NTRK3: variants seen among roughly 807,000 people sequenced by gnomAD.
NTRK3 encodes NT-3 growth factor receptor.
NTRK3 carries 24 observed loss-of-function variants against 91.7 expected under a neutral mutation model. That is an observed-to-expected ratio of 0.26 (90% CI 0.19 to 0.37). NTRK3 has a LOEUF of 0.37. NTRK3 is among the 10% of genes least tolerant of loss of function. The pLI is 1.00. For synonymous variants in NTRK3, 483 were observed against 404.0 expected (o/e 1.20, Z -2.34); for missense variants, 880 against 1,068.9 (o/e 0.82, Z 2.46).
At chr15:87,927,992 T>G (rs180780438) in intron 17 of NTRK3, 2,539 of 152,114 alleles carry the variant, frequency 0.017, 45 homozygotes, top group Non-Finnish European at 0.022. Context: ...GTTTTTTTGG[T>G]TTTTTTTGAC....
intron 3 of NTRK3, among the ~76,000 whole-genome samples, chr15:88,217,367 TG>T (rs746166403): frequency 6.1e-4 from 93 of 152,352 alleles, no homozygotes; most frequent in Non-Finnish European, 8.4e-4. Context: ...CCATCGCAGA[TG>T]AATGGATAAC....
At chr15:88,071,971 G>A (rs1231384356) in intron 13 of NTRK3, among the ~76,000 whole-genome samples, 1 of 151,768 alleles carries the variant, frequency 6.6e-6, no homozygotes, top group Non-Finnish European at 1.5e-5. Context: ...CAGGGTTCCA[G>A]GGTTCTCACA....
chr15:88,239,804 C>T (rs771669064), intron 3 of NTRK3, among the ~76,000 whole-genome samples: 4 of 152,094 alleles, frequency 2.6e-5, no homozygotes, highest in South Asian at 2.1e-4. Flanking sequence ...AATACCACCC[C>T]GCCTCTGATC....
intron 9 of NTRK3, 22 bp downstream of exon 9, chr15:88,135,877 C>G (rs1055560835): frequency 6.2e-7 from 1 of 1,613,748 alleles, no homozygotes; most frequent in Admixed American, 1.7e-5. Context: ...CACAGCCATC[C>G]CCCACAATAA....
exon 19 of NTRK3, chr15:87,870,557 CT>C (rs2064803656): frequency 4.8e-6 from 1 of 208,300 alleles, no homozygotes; most frequent in African/African-American, 2.3e-5. Context: ...CAAACACTAC[CT>C]GTTCCCCAAT....
chr15:88,037,736 G>A (rs2142086945), intron 13 of NTRK3, among the ~76,000 whole-genome samples: 1 of 152,316 alleles, frequency 6.6e-6, no homozygotes, highest in South Asian at 2.1e-4. Flanking sequence ...TCAAATTATA[G>A]TGAGTTGAGG....
chr15:88,066,817 T>C (rs911224279), intron 13 of NTRK3, among the ~76,000 whole-genome samples: 4 of 152,156 alleles, frequency 2.6e-5, no homozygotes, highest in African/African-American at 9.7e-5. Flanking sequence ...TCCTGACATA[T>C]GCCCCCATTC....
chr15:88,061,102 C>T lies in NTRK3; in HGVS notation c.1397-28057G>A, dbSNP rs184100120. On this transcript the variant is annotated intron_variant, in intron 13 of 18. Coordinates refer to ENST00000394480, the Ensembl canonical transcript of NTRK3. ...ATTTAATACTTCAAAAAGAGACCCCCTTGTTGAGCGGCTTTCAAATCTGGC... is the reference window on the plus strand; with the variant it reads ...ATTTAATACTTCAAAAAGAGACCCCTTTGTTGAGCGGCTTTCAAATCTGGC... 5.4e-3 allele frequency among the ~76,000 whole-genome samples: 827 copies of T among 152,144 alleles called. 10 individuals are homozygous for T. Among genetic ancestry groups the T allele is most frequent in the Middle Eastern group, 0.041 (12 of 294 alleles).
chr15:88,050,954 A>G (rs1443358473), intron 13 of NTRK3, among the ~76,000 whole-genome samples: 1 of 152,220 alleles, frequency 6.6e-6, no homozygotes, highest in African/African-American at 2.4e-5. Flanking sequence ...GAGAGCATAT[A>G]TAATATTTTC....
intron 17 of NTRK3, among the ~76,000 whole-genome samples, chr15:87,900,690 GGTGT>G (rs61498493): frequency 0.015 from 2,021 of 138,316 alleles, 53 homozygotes; most frequent in East Asian, 0.13. Flanking sequence ...CTTTACAGAG[GGTGT>G]GTGTGTGTGT....
At chr15:87,965,597 G>A (rs549378499) in intron 14 of NTRK3, among the ~76,000 whole-genome samples, 13 of 152,196 alleles carry the variant, frequency 8.5e-5, no homozygotes, top group Non-Finnish European at 1.2e-4. Flanking sequence ...CAGGCAGCCC[G>A]AGGTCACCAA....
intron 17 of NTRK3, among the ~76,000 whole-genome samples, chr15:87,915,012 G>A (rs1186010121): frequency 6.6e-6 from 1 of 152,038 alleles, no homozygotes; most frequent in Non-Finnish European, 1.5e-5. Context: ...GGTGGTGTTG[G>A]TAATGATGTT....
intron 17 of NTRK3, among the ~76,000 whole-genome samples, chr15:87,889,985 T>TATTG (rs1555430518): frequency 6.6e-6 from 1 of 151,348 alleles, no homozygotes; most frequent in African/African-American, 2.4e-5. Context: ...TTTATTTATT[T>TATTG]ATTGTTGATG....
intron 5 of NTRK3, among the ~76,000 whole-genome samples, chr15:88,182,299 C>G (rs746397758): frequency 2.6e-5 from 4 of 152,072 alleles, no homozygotes; most frequent in Admixed American, 6.5e-5. Context: ...AGGTCAGGAT[C>G]CCCCAAAAAA....
At chr15:87,869,119 C>T in exon 19 of NTRK3, 1 of 228,998 alleles carries the variant, frequency 4.4e-6, no homozygotes, top group Non-Finnish European at 8.7e-6. Flanking sequence ...TCAGGGGAAA[C>T]CCAATACAAT....
At chr15:87,981,407 C>T (rs761256154) in intron 14 of NTRK3, 7 of 1,613,310 alleles carry the variant, frequency 4.3e-6, no homozygotes, top group East Asian at 2.2e-5. Context: ...AGTATTAAAC[C>T]CCAAGTGCAA....
At chr15:88,142,332 C>T (rs1446170563) in intron 6 of NTRK3, among the ~76,000 whole-genome samples, 1 of 152,248 alleles carries the variant, frequency 6.6e-6, no homozygotes, top group Non-Finnish European at 1.5e-5. Flanking sequence ...TGCTGCAAGG[C>T]AAAGCTTACC....
intron 14 of NTRK3, among the ~76,000 whole-genome samples, chr15:88,008,557 G>C (rs2076650536): frequency 6.6e-6 from 1 of 151,990 alleles, no homozygotes; most frequent in Non-Finnish European, 1.5e-5. Flanking sequence ...GCAGATTCCT[G>C]AGGACACATA....
chr15:87,936,281 G>A (rs1002513847), intron 15 of NTRK3, among the ~76,000 whole-genome samples: 1 of 152,136 alleles, frequency 6.6e-6, no homozygotes, highest in Non-Finnish European at 1.5e-5. Context: ...AGTACAAAAA[G>A]GAGAGCTAGA....
Sources: gnomAD v4.1 joint callset for allele counts (sites outside exome capture counted in the v4.1 genomes callset) on GRCh38, gnomAD v4.1.1 for gene constraint, MANE v1.5 for transcripts, NCBI Gene and HGNC (gene_info 2026-07-23, HGNC 2026-07-21) for gene names.